The following VIT variants were observed in gnomAD, a reference collection of about 807,000 sequenced individuals.
The protein encoded by VIT is vitrin.
In VIT, 99 loss-of-function variants were observed where a neutral mutation model predicts 78.0. The observed-to-expected ratio is 1.27, with a 90% CI of 1.08 to 1.50. The LOEUF (loss-of-function observed/expected upper bound fraction) is 1.50. Among genes scored for constraint, VIT ranks in the 40% most tolerant of loss-of-function variants. The pLI is 0.00. For synonymous variants in VIT, 374 were observed against 334.3 expected (o/e 1.12, Z -1.29); for missense variants, 1,126 against 875.3 (o/e 1.29, Z -3.61).
chr2:36,705,412 A>G (rs1665353260), intron 1 of VIT, among the ~76,000 whole-genome samples: 1 of 152,212 alleles, frequency 6.6e-6, no homozygotes, highest in South Asian at 2.1e-4. Context: ...AGAAATCACC[A>G]TTGGTCGAAG....
intron 1 of VIT, among the ~76,000 whole-genome samples, chr2:36,711,189 C>G (rs890142976): frequency 3.9e-5 from 6 of 152,196 alleles, no homozygotes; most frequent in African/African-American, 1.4e-4. Context: ...CAGTGCTGAA[C>G]ATTATCAAGT....
rs188733028 is a variant in VIT at position 36,775,796 on chromosome 2, C to T, written c.802+729C>T. Among the ~76,000 whole-genome samples, 430 of 150,756 alleles carry T rather than the reference C, an allele frequency of 2.9e-3. 19 individuals carry two copies. The highest frequency in any genetic ancestry group is 0.025 in the Admixed American group (388 of 15,236). ...CTCAGAGTGTTCCTGACTTAAAGGACTCCCCCAACACACTCTAGGTGCTCA... is the reference window on the plus strand; with the variant it reads ...CTCAGAGTGTTCCTGACTTAAAGGATTCCCCCAACACACTCTAGGTGCTCA... On this transcript the variant is annotated intron_variant, in intron 9 of 15. Transcript: ENST00000379242.
intron 1 of VIT, 119 bp from the exon 2 acceptor site, chr2:36,716,234 G>A: frequency 1.4e-6 from 1 of 699,874 alleles, no homozygotes; most frequent in Admixed American, 2.6e-5. Context: ...TCTATAGCCT[G>A]GAATCGTAAG....
chr2:36,733,442 A>G (rs1157730276), intron 3 of VIT, among the ~76,000 whole-genome samples: 2 of 152,176 alleles, frequency 1.3e-5, no homozygotes, highest in Non-Finnish European at 2.9e-5. Flanking sequence ...GCAGGGGTCC[A>G]CCCTATAAAA....
intron 6 of VIT, among the ~76,000 whole-genome samples, chr2:36,761,920 C>T (rs1011503262): frequency 2.1e-4 from 32 of 152,088 alleles, no homozygotes; most frequent in Non-Finnish European, 1.3e-4. Context: ...CTTCCCTTTT[C>T]AGATAAGGAA....
chr2:36,780,912 C>G (rs1362577859), intron 9 of VIT, among the ~76,000 whole-genome samples: 1 of 152,080 alleles, frequency 6.6e-6, no homozygotes, highest in Non-Finnish European at 1.5e-5. Context: ...ATAAGGCTTC[C>G]TGACACATTT....
rs113209455 is a variant in VIT at position 36,788,154 on chromosome 2, C to T, written c.1058+878C>T. On this transcript the variant is annotated intron_variant, in intron 12 of 15. Coordinates refer to ENST00000379242, the MANE Select transcript of VIT (RefSeq NM_053276.4). ...GGGTATCATGCCTTCTACAAAGGAC[C>T]AGTGGGTGTGGAAGGGGTGACGGAA... 5.1e-4 allele frequency: 106 copies of T among 207,442 alleles called. 1 individual carries two copies. Among genetic ancestry groups the T allele is most frequent in the Middle Eastern group, 1.9e-3 (1 of 538 alleles). 12.9% of individuals were successfully genotyped at this position (207,442 alleles called of 1,614,324 possible). A position where few individuals can be genotyped will look rare whatever the true frequency, so the allele number is the denominator to read the frequency against.
chr2:36,808,027 G>C (rs1666855848), intron 14 of VIT, among the ~76,000 whole-genome samples: 1 of 152,172 alleles, frequency 6.6e-6, no homozygotes, highest in Admixed American at 6.5e-5. Context: ...GGCTGCTCTG[G>C]AGACATTTCC....
At chr2:36,711,664 G>A (rs533670061) in intron 1 of VIT, among the ~76,000 whole-genome samples, 1 of 152,268 alleles carries the variant, frequency 6.6e-6, no homozygotes, top group East Asian at 1.9e-4. Flanking sequence ...ACTATTCCAG[G>A]CTCTAGAAAC....
intron 2 of VIT, among the ~76,000 whole-genome samples, chr2:36,720,141 A>G (rs1161827359): frequency 6.6e-6 from 1 of 152,178 alleles, no homozygotes; most frequent in African/African-American, 2.4e-5. Context: ...TGGAAAAAAA[A>G]TTCTAAATTC....
chr2:36,805,247 T>C, intron 13 of VIT, among the ~76,000 whole-genome samples, 191 bp from the exon 14 acceptor site: 1 of 145,626 alleles, frequency 6.9e-6, no homozygotes, highest in East Asian at 2.0e-4. Flanking sequence ...GAGGCTGTAG[T>C]GAGCTGTGAT....
At chr2:36,739,336 C>T (rs755741891) in intron 3 of VIT, among the ~76,000 whole-genome samples, 1 of 152,262 alleles carries the variant, frequency 6.6e-6, no homozygotes, top group East Asian at 1.9e-4. Context: ...TTTGATTTGG[C>T]CTACTACATA....
At chr2:36,717,820 A>C (rs1666260451) in intron 2 of VIT, among the ~76,000 whole-genome samples, 1 of 152,158 alleles carries the variant, frequency 6.6e-6, no homozygotes. Flanking sequence ...ATCTGGGTGG[A>C]TTAGGACAAC....
intron 2 of VIT, among the ~76,000 whole-genome samples, chr2:36,727,861 C>T (rs1279701478): frequency 1.3e-5 from 2 of 152,178 alleles, no homozygotes; most frequent in African/African-American, 2.4e-5. Context: ...TAGCACATAC[C>T]ATCATGTACA....
intron 14 of VIT, 80 bp from the exon 15 acceptor site, chr2:36,808,392 G>A (rs1189551829): frequency 6.7e-7 from 1 of 1,500,430 alleles, no homozygotes; most frequent in African/African-American, 1.4e-5. Context: ...TTCTTCACCT[G>A]CCCCGGGGGA....
intron 12 of VIT, among the ~76,000 whole-genome samples, chr2:36,795,573 C>T (rs781668385): frequency 5.9e-5 from 9 of 151,814 alleles, no homozygotes; most frequent in East Asian, 1.9e-4. Context: ...CCACCACGCC[C>T]GGCTAATTTT....
rs140210120 is a variant in VIT at position 36,794,361 on chromosome 2, G to A, written c.1059-6940G>A. Among the ~76,000 whole-genome samples, 114 of 152,204 alleles carry A rather than the reference G, an allele frequency of 7.5e-4. No individual in the cohort carries two copies. In the East Asian group the frequency reaches 0.019, roughly 25 times the overall value. On this transcript the variant is annotated intron_variant, in intron 12 of 15. Coordinates refer to ENST00000379242, the MANE Select transcript of VIT (RefSeq NM_053276.4). ...AAAATTTAGTGTTTGCATTTAATAAGAACCTGTAATAAAATTACAAATTAA... is the reference window on the plus strand; with the variant it reads ...AAAATTTAGTGTTTGCATTTAATAAAAACCTGTAATAAAATTACAAATTAA...
chr2:36,795,695 G>A (rs1041070868), intron 12 of VIT, among the ~76,000 whole-genome samples: 6 of 152,022 alleles, frequency 3.9e-5, no homozygotes, highest in African/African-American at 1.2e-4. Context: ...GATTACAGGC[G>A]CCCAGCCCAC....
chr2:36,771,044 T>G (rs183841297), intron 7 of VIT, among the ~76,000 whole-genome samples: 33 of 152,310 alleles, frequency 2.2e-4, no homozygotes, highest in African/African-American at 7.0e-4. Flanking sequence ...ACATACAGTT[T>G]CCCTTACCAA....
Sources: gnomAD v4.1 joint callset for allele counts (sites outside exome capture counted in the v4.1 genomes callset) on GRCh38, gnomAD v4.1.1 for gene constraint, MANE v1.5 for transcripts, NCBI Gene and HGNC (gene_info 2026-07-23, HGNC 2026-07-21) for gene names.